Variants in PARD3 observed in about 807,000 individuals in gnomAD.
The protein encoded by PARD3 is partitioning defective 3 homolog.
Under a neutral mutation model 155.4 loss-of-function variants are expected in PARD3, and 75 were observed. The ratio of observed to expected loss-of-function variants is 0.48; its 90% confidence interval spans 0.40 to 0.58. The LOEUF (loss-of-function observed/expected upper bound fraction) is 0.58, where lower values mean the gene tolerates loss of function less well. Among genes scored for constraint, PARD3 ranks in the 20% least tolerant of loss-of-function variants. The pLI, the probability that PARD3 is intolerant of heterozygous loss-of-function variation, is 0.00. For synonymous variants in PARD3, 576 were observed against 610.5 expected (o/e 0.94, Z 0.83); for missense variants, 1,642 against 1,721.7 (o/e 0.95, Z 0.82).
At chr10:34,803,202 G>A (rs1842987132) in intron 1 of PARD3, among the ~76,000 whole-genome samples, 2 of 150,082 alleles carry the variant, frequency 1.3e-5, no homozygotes, top group African/African-American at 2.5e-5. Flanking sequence ...TCAAACCACT[G>A]CACTCCAGCC....
intron 1 of PARD3, among the ~76,000 whole-genome samples, chr10:34,735,647 A>T (rs1476384091): frequency 6.6e-6 from 1 of 152,226 alleles, no homozygotes; most frequent in Non-Finnish European, 1.5e-5. Flanking sequence ...TTCCCGTAAG[A>T]AAATAAAGTA....
intron 2 of PARD3, among the ~76,000 whole-genome samples, chr10:34,616,162 C>T (rs58136714): frequency 0.01 from 1,528 of 152,050 alleles, 33 homozygotes; most frequent in African/African-American, 0.035. Flanking sequence ...ACTAAAAATA[C>T]AAAAATTAGC....
chr10:34,430,140 A>C (rs2075828633), intron 5 of PARD3, among the ~76,000 whole-genome samples: 2 of 152,264 alleles, frequency 1.3e-5, no homozygotes, highest in African/African-American at 4.8e-5. Flanking sequence ...GTACAATCTG[A>C]GAATATGCCA....
intron 2 of PARD3, among the ~76,000 whole-genome samples, chr10:34,565,059 T>C (rs1283846600): frequency 6.6e-6 from 1 of 151,826 alleles, no homozygotes; most frequent in African/African-American, 2.4e-5. Context: ...ATACTCACTA[T>C]GCTGAGCAAT....
At chr10:34,806,518 C>T (rs1167663238) in intron 1 of PARD3, among the ~76,000 whole-genome samples, 5 of 151,798 alleles carry the variant, frequency 3.3e-5, no homozygotes, top group East Asian at 1.9e-4. Context: ...TAAAAAGAGA[C>T]GGGGTCTCAC....
intron 5 of PARD3, among the ~76,000 whole-genome samples, chr10:34,444,621 C>T (rs1013890573): frequency 6.6e-6 from 1 of 152,114 alleles, no homozygotes; most frequent in Non-Finnish European, 1.5e-5. Flanking sequence ...CACTGAAAAC[C>T]CCGGCTACTC....
Position 34,111,221 on chromosome 10 carries a change from G to A in PARD3, c.4010C>T (p.Ala1337Val), listed in dbSNP as rs144433754. ...QDVPPSPSQV[A>V]RLNRLQTPEK... is the part of the protein sequence containing the mutation. ...AGGAGTCTGAAGTCTGTTCAGCCTC[G>A]CAACCTGAGAAGGGGAGGGGGGCAC... The change falls in exon 25 of 25, where the codon GCG becomes GTG. Residue 1337 changes from alanine (A) to valine (V), a missense_variant. Coordinates refer to ENST00000374788, the MANE Select transcript of PARD3 (RefSeq NM_001184785.2). 3.2e-5 allele frequency: 51 copies of A among 1,606,286 alleles called. No individual in the cohort carries two copies. Among genetic ancestry groups the A allele is most frequent in the African/African-American group, 1.3e-4 (10 of 74,714 alleles).
chr10:34,657,719 A>T (rs1396325927), intron 2 of PARD3, among the ~76,000 whole-genome samples: 1 of 152,066 alleles, frequency 6.6e-6, no homozygotes, highest in Non-Finnish European at 1.5e-5. Flanking sequence ...TTGTATTTTT[A>T]GTAGAGACGT....
chr10:34,557,727 G>C (rs1215337202), intron 2 of PARD3, among the ~76,000 whole-genome samples: 1 of 151,872 alleles, frequency 6.6e-6, no homozygotes, highest in African/African-American at 2.4e-5. Flanking sequence ...CAAAGTGCTG[G>C]GATTACAGGC....
chr10:34,694,064 T>C (rs375326100), intron 2 of PARD3, among the ~76,000 whole-genome samples: 6 of 151,996 alleles, frequency 3.9e-5, no homozygotes, highest in African/African-American at 1.2e-4. Context: ...TGTATGTTTC[T>C]GCATTTTCCA....
intron 2 of PARD3, among the ~76,000 whole-genome samples, chr10:34,656,917 T>A (rs1463974170): frequency 6.6e-6 from 1 of 152,190 alleles, no homozygotes; most frequent in Non-Finnish European, 1.5e-5. Flanking sequence ...CATGCATGCA[T>A]CTTGATGTAA....
chr10:34,628,892 C>T (rs1157049285), intron 2 of PARD3, among the ~76,000 whole-genome samples: 2 of 152,150 alleles, frequency 1.3e-5, no homozygotes, highest in African/African-American at 2.4e-5. Flanking sequence ...TTCACGACAC[C>T]AGCCAATGTT....
At chr10:34,466,822 C>T (rs2078035877) in intron 4 of PARD3, among the ~76,000 whole-genome samples, 1 of 152,002 alleles carries the variant, frequency 6.6e-6, no homozygotes. Context: ...AAATAAAATG[C>T]CATCTAATCA....
intron 2 of PARD3, among the ~76,000 whole-genome samples, chr10:34,564,177 T>C (rs890971694): frequency 5.9e-5 from 9 of 152,208 alleles, no homozygotes; most frequent in Non-Finnish European, 1.0e-4. Context: ...GAAGTAAAAA[T>C]GTTACATGTG....
chr10:34,141,513 G>C (rs1948186903), intron 22 of PARD3, among the ~76,000 whole-genome samples: 1 of 152,138 alleles, frequency 6.6e-6, no homozygotes, highest in Admixed American at 6.6e-5. Flanking sequence ...CAGTTCTCCA[G>C]ATGCTTTATG....
chr10:34,651,722 T>G (rs1404434559), intron 2 of PARD3, among the ~76,000 whole-genome samples: 1 of 152,172 alleles, frequency 6.6e-6, no homozygotes, highest in African/African-American at 2.4e-5. Context: ...TTAGACCCAT[T>G]TCATCATGGA....
intron 2 of PARD3, among the ~76,000 whole-genome samples, chr10:34,650,096 A>C (rs532705649): frequency 1.3e-5 from 2 of 152,350 alleles, no homozygotes; most frequent in African/African-American, 4.8e-5. Context: ...GCTGTTTTAC[A>C]ACGGGCTTTT....
In PARD3 at chr10:34,516,112, C is replaced by G. The variant is rs183483976; in HGVS notation, c.403+867G>C. On this transcript the variant is annotated intron_variant, in intron 3 of 24. Transcript: ENST00000374788. ...CCCAAGTAGCTGGGATTACAGGCAA[C>G]CGCCACCACGCCTGGCTAATTTTTG... 3.7e-3 allele frequency among the ~76,000 whole-genome samples: 562 copies of G among 152,058 alleles called. 2 individuals are homozygous for G. Among genetic ancestry groups the G allele is most frequent in the African/African-American group, 0.012 (494 of 41,466 alleles).
intron 2 of PARD3, among the ~76,000 whole-genome samples, chr10:34,637,047 T>C (rs568628959): frequency 1.7e-3 from 261 of 152,268 alleles, no homozygotes; most frequent in African/African-American, 5.7e-3. Context: ...ACAACTGATA[T>C]AAAAACAAAT....
Sources: allele counts gnomAD v4.1 joint callset (sites outside exome capture counted in the v4.1 genomes callset), GRCh38; gene constraint gnomAD v4.1.1; transcripts MANE v1.5; gene names NCBI Gene and HGNC (gene_info 2026-07-23, HGNC 2026-07-21).